Variants in GAD2 observed in about 807,000 individuals in gnomAD.
The protein encoded by GAD2 is 65 kDa glutamic acid decarboxylase.
In GAD2, 22 loss-of-function variants were observed where a neutral mutation model predicts 80.1. The observed-to-expected ratio is 0.27, with a 90% CI of 0.20 to 0.39. The LOEUF is 0.39. GAD2 is among the 10% of genes least tolerant of loss of function. The probability of loss-of-function intolerance (pLI) is 1.00; values close to 1 mark genes in which losing one functional copy is unlikely to be tolerated. For missense variants in GAD2, 624 were observed against 738.4 expected, an observed-to-expected ratio of 0.85 and a Z score of 1.80; for synonymous variants, 274 against 256.9, an observed-to-expected ratio of 1.07 and a Z score of -0.64.
intron 8 of GAD2, among the ~76,000 whole-genome samples, chr10:26,250,544 G>T (rs1199838765): frequency 1.3e-5 from 2 of 151,968 alleles, no homozygotes; most frequent in African/African-American, 4.8e-5. Flanking sequence ...TAAGAAAGAA[G>T]GAAGTGGGAA....
intron 15 of GAD2, among the ~76,000 whole-genome samples, chr10:26,296,085 T>G (rs951714574): frequency 6.6e-6 from 1 of 152,138 alleles, no homozygotes; most frequent in African/African-American, 2.4e-5. Flanking sequence ...GCCAGTAGAT[T>G]CCGTGTCTGC....
chr10:26,264,373 G>A (rs1445626060), intron 8 of GAD2, among the ~76,000 whole-genome samples: 4 of 148,962 alleles, frequency 2.7e-5, no homozygotes, highest in African/African-American at 7.5e-5. Context: ...ACAGTGGCGC[G>A]ATCTCTACTC....
chr10:26,278,355 A>G (rs1035990787), intron 11 of GAD2, among the ~76,000 whole-genome samples: 18 of 152,296 alleles, frequency 1.2e-4, no homozygotes, highest in African/African-American at 4.1e-4. Context: ...GATGAAATCC[A>G]TAGCAAAAGC....
intron 8 of GAD2, among the ~76,000 whole-genome samples, chr10:26,261,186 G>A (rs1233558103): frequency 6.6e-6 from 1 of 152,042 alleles, no homozygotes; most frequent in African/African-American, 2.4e-5. Context: ...TCAATTTTTG[G>A]TAGTCAGAGT....
At chr10:26,295,982 G>A (rs956713455) in intron 15 of GAD2, among the ~76,000 whole-genome samples, 17 of 152,314 alleles carry the variant, frequency 1.1e-4, no homozygotes, top group Non-Finnish European at 1.9e-4. Flanking sequence ...GCGTGGTTGA[G>A]CTGCAAAAAC....
chr10:26,216,936 G>A lies in GAD2; in HGVS notation c.76+51G>A. ...GCGGGCGAGTTTTGCGGTGGTCTGGGGTTTGCGGAACTACGGAGAAGACGA... is the reference window on the plus strand; with the variant it reads ...GCGGGCGAGTTTTGCGGTGGTCTGGAGTTTGCGGAACTACGGAGAAGACGA... On this transcript the variant is annotated intron_variant, in intron 1 of 15. Transcript: ENST00000376261. This position sits in a 1 kb window ranked among gnomAD's most constrained non-coding sequence, Gnocchi z 4.7. 1.3e-6 allele frequency: 2 copies of A among 1,518,764 alleles called. No homozygotes were observed. The highest frequency in any genetic ancestry group is 1.8e-6 in the Non-Finnish European group (2 of 1,101,378). The allele number at this position is 1,518,764 out of a possible 1,614,324, so 94.1% of individuals were successfully genotyped here.
rs1834232107 is a variant in GAD2 at position 26,292,887 on chromosome 10, C to A, written c.1495-15C>A. 6.2e-7 allele frequency: 1 copy of A among 1,609,424 alleles called. No homozygotes were observed. The highest frequency in any genetic ancestry group is 2.2e-5 in the East Asian group (1 of 44,856). ...CAGCCTGGGCCAAATGTGAATCTTC[C>A]TTTCCTCTTTGTAGCCTCAGCACAC... On this transcript the variant is annotated splice_polypyrimidine_tract_variant and intron_variant, in intron 14 of 15. Coordinates refer to ENST00000376261, the MANE Select transcript of GAD2 (RefSeq NM_001134366.2).
chr10:26,266,584 C>A (rs1845076586), intron 8 of GAD2, among the ~76,000 whole-genome samples: 1 of 152,154 alleles, frequency 6.6e-6, no homozygotes, highest in African/African-American at 2.4e-5. Context: ...GTAGAGAAAA[C>A]AAATATAGTT....
Position 26,280,243 on chromosome 10 carries a change from CTG to C in GAD2, c.1158-765_1158-764del, listed in dbSNP as rs553789562. 2.8e-3 allele frequency among the ~76,000 whole-genome samples: 431 copies of C among 152,346 alleles called. 1 individual carries two copies. Among genetic ancestry groups the C allele is most frequent in the African/African-American group, 9.8e-3 (406 of 41,586 alleles). ...AAGTTGCAGTGTGAACTCCAAAAAA[CTG>C]AGACAGGTCTCAGTTAATTTTGAAA... is the stretch of plus-strand genomic sequence containing the variant. On this transcript the variant is annotated intron_variant, in intron 11 of 15. Coordinates refer to ENST00000376261, the MANE Select transcript of GAD2 (RefSeq NM_001134366.2).
chr10:26,262,505 A>G (rs895500370), intron 8 of GAD2, among the ~76,000 whole-genome samples: 2 of 151,542 alleles, frequency 1.3e-5, no homozygotes, highest in Non-Finnish European at 2.9e-5. Flanking sequence ...TGATATTTTC[A>G]ATGTCCCATC....
chr10:26,225,294 C>A (rs8190618), intron 6 of GAD2, among the ~76,000 whole-genome samples: 3,209 of 152,306 alleles, frequency 0.021, 121 homozygotes, highest in African/African-American at 0.072. Context: ...ATTCTAAGCT[C>A]CATTACTTAG....
chr10:26,293,090 C>T (rs1834236644), intron 15 of GAD2, 99 bp downstream of exon 15: 6 of 929,080 alleles, frequency 6.5e-6, no homozygotes, highest in Non-Finnish European at 3.4e-6. Flanking sequence ...GACAGCCTAC[C>T]TGGGTACATG....
Position 26,300,969 on chromosome 10 carries a change from G to C in GAD2, c.*8G>C. On this transcript the variant is annotated 3_prime_UTR_variant, in exon 16 of 16. Coordinates refer to ENST00000376261, the MANE Select transcript of GAD2 (RefSeq NM_001134366.2). Reference sequence around the variant, plus strand: ...CTTGGACAAGATTTATAATAACCTTGCTCACCAAGCTGTTCCACTTCTCTA... The same window carrying C: ...CTTGGACAAGATTTATAATAACCTTCCTCACCAAGCTGTTCCACTTCTCTA... 6.2e-7 allele frequency: 1 copy of C among 1,609,864 alleles called. No individual in the cohort carries two copies. The highest frequency in any genetic ancestry group is 2.2e-5 in the East Asian group (1 of 44,852).
chr10:26,237,309 T>C (rs144957479), intron 7 of GAD2, among the ~76,000 whole-genome samples: 2 of 152,216 alleles, frequency 1.3e-5, no homozygotes, highest in East Asian at 3.9e-4. Context: ...CCTGTGAGCT[T>C]TGGAATTGAT....
rs761434242 is a variant in GAD2 at position 26,218,012 on chromosome 10, C to A, written c.286+21C>A. Reference sequence around the variant, plus strand: ...AACAGGTAAAGACTCAGCGGGGAGCCCCGGGGCGCCCCTGCCCCTCTCTCT... The same window carrying A: ...AACAGGTAAAGACTCAGCGGGGAGCACCGGGGCGCCCCTGCCCCTCTCTCT... On this transcript the variant is annotated intron_variant, in intron 3 of 15. Transcript: ENST00000376261. 5.1e-6 allele frequency: 8 copies of A among 1,579,300 alleles called. No individual in the cohort carries two copies. In the African/African-American group the frequency reaches 1.1e-4, roughly 22 times the overall value.
At chr10:26,260,973 G>A (rs779971447) in intron 8 of GAD2, among the ~76,000 whole-genome samples, 1 of 152,104 alleles carries the variant, frequency 6.6e-6, no homozygotes. Flanking sequence ...GGCATGCAGC[G>A]CAAAGTAAGC....
chr10:26,241,312 T>C (rs1460025551), intron 7 of GAD2, among the ~76,000 whole-genome samples: 1 of 152,212 alleles, frequency 6.6e-6, no homozygotes, highest in Non-Finnish European at 1.5e-5. Flanking sequence ...CTTGATTATT[T>C]TGGGACAAAT....
At chr10:26,231,671 T>G (rs1451100964) in intron 7 of GAD2, among the ~76,000 whole-genome samples, 6 of 152,188 alleles carry the variant, frequency 3.9e-5, no homozygotes, top group African/African-American at 1.4e-4. Flanking sequence ...ACAATATGAA[T>G]GTATTACCTT....
upstream of GAD2, chr10:26,216,664 C>T (rs1288095100): frequency 4.1e-5 from 21 of 515,634 alleles, no homozygotes; most frequent in Non-Finnish European, 6.3e-5. The surrounding 1 kb of genome is among the most constrained non-coding windows in gnomAD (Gnocchi z 4.7). Flanking sequence ...TCCTGCGTGA[C>T]ACCCGCCCTC....
Sources: allele counts gnomAD v4.1 joint callset (sites outside exome capture counted in the v4.1 genomes callset), GRCh38; gene constraint gnomAD v4.1.1; non-coding constraint Gnocchi (gnomAD v3.1); transcripts MANE v1.5; gene names NCBI Gene and HGNC (gene_info 2026-07-23, HGNC 2026-07-21).